The following PANX1 variants were observed in gnomAD, a reference collection of about 807,000 sequenced individuals.
PANX1 encodes pannexin-1.
In PANX1, 30 loss-of-function variants were observed where a neutral mutation model predicts 38.7. That is an observed-to-expected ratio of 0.78 (90% CI 0.58 to 1.05). PANX1 has a LOEUF of 1.05. Among genes scored for constraint, PANX1 ranks in the 50% least tolerant of loss-of-function variants. PANX1 has a pLI of 0.00. For missense variants in PANX1, 551 were observed against 517.2 expected, an observed-to-expected ratio of 1.07 and a Z score of -0.63; for synonymous variants, 230 against 212.2, an observed-to-expected ratio of 1.08 and a Z score of -0.73.
intron 1 of PANX1, among the ~76,000 whole-genome samples, chr11:94,148,580 G>A (rs1313746376): frequency 6.6e-6 from 1 of 152,104 alleles, no homozygotes; most frequent in Non-Finnish European, 1.5e-5. Flanking sequence ...ATTTATAATA[G>A]TTTTCAGATC....
intron 2 of PANX1, among the ~76,000 whole-genome samples, chr11:94,156,939 G>C (rs1397319258): frequency 6.6e-6 from 1 of 150,882 alleles, no homozygotes; most frequent in South Asian, 2.1e-4. Context: ...ATGTGTTGTC[G>C]TTGTTCAATT....
chr11:94,148,678 G>T (rs957875276), intron 1 of PANX1, among the ~76,000 whole-genome samples: 2 of 151,910 alleles, frequency 1.3e-5, no homozygotes, highest in African/African-American at 4.8e-5. Context: ...ATATATATGG[G>T]GTATGTGTGT....
intron 1 of PANX1, among the ~76,000 whole-genome samples, chr11:94,130,129 TG>T (rs1946610591): frequency 6.6e-6 from 1 of 152,144 alleles, no homozygotes; most frequent in Non-Finnish European, 1.5e-5. Flanking sequence ...GAAAGTCTGG[TG>T]GTTTGGGCAG....
At chr11:94,174,929 A>G (rs1476773931) in intron 2 of PANX1, among the ~76,000 whole-genome samples, 2 of 151,774 alleles carry the variant, frequency 1.3e-5, no homozygotes, top group African/African-American at 4.9e-5. Context: ...TTTTTAAGGC[A>G]GATAGACTGA....
At chr11:94,141,799 G>T (rs1401748848) in intron 1 of PANX1, among the ~76,000 whole-genome samples, 1 of 152,118 alleles carries the variant, frequency 6.6e-6, no homozygotes, top group Non-Finnish European at 1.5e-5. Flanking sequence ...GAATTTCTCA[G>T]TGCCTAGCCT....
chr11:94,165,934 CTAT>C lies in PANX1; in HGVS notation c.321+12318_321+12320del, dbSNP rs1366374085. Among the ~76,000 whole-genome samples, 8 of 151,806 alleles carry C rather than the reference CTAT, an allele frequency of 5.3e-5. No individual in the cohort carries two copies. The East Asian group carries it at 1.4e-3, about 26-fold the overall frequency. On this transcript the variant is annotated intron_variant, in intron 2 of 4. Transcript: ENST00000227638. Reference sequence around the variant, plus strand: ...GTTTCAAGTAATATAATAGTAATAACTATTATTATTATTATTGGTTATGTTATT... The same window carrying C: ...GTTTCAAGTAATATAATAGTAATAACTATTATTATTATTGGTTATGTTATT...
chr11:94,129,719 C>T (rs985512545), intron 1 of PANX1, among the ~76,000 whole-genome samples: 10 of 152,174 alleles, frequency 6.6e-5, no homozygotes, highest in Non-Finnish European at 1.2e-4. Flanking sequence ...TCTTTTGTTC[C>T]TCATGCCCCT....
chr11:94,180,716 C>A, intron 4 of PANX1, 74 bp from the exon 5 acceptor site: 1 of 841,932 alleles, frequency 1.2e-6, no homozygotes, highest in South Asian at 1.4e-5. Flanking sequence ...GAATTTTTGG[C>A]AGAAGAAAAA....
chr11:94,164,665 A>G (rs1037485296), intron 2 of PANX1, among the ~76,000 whole-genome samples: 1 of 152,250 alleles, frequency 6.6e-6, no homozygotes, highest in African/African-American at 2.4e-5. Flanking sequence ...CAGCTATTGC[A>G]TGAAATGTTC....
chr11:94,141,326 A>G (rs572883282), intron 1 of PANX1, among the ~76,000 whole-genome samples: 3 of 152,284 alleles, frequency 2.0e-5, no homozygotes, highest in South Asian at 2.1e-4. Context: ...AAATTTGCCA[A>G]TCTTAATGGT....
intron 1 of PANX1, among the ~76,000 whole-genome samples, chr11:94,148,397 C>T (rs1178487775): frequency 2.0e-5 from 3 of 152,096 alleles, no homozygotes; most frequent in East Asian, 1.9e-4. Flanking sequence ...TCGGGGCAAA[C>T]GTCATTTGGT....
intron 4 of PANX1, among the ~76,000 whole-genome samples, 169 bp from the exon 5 acceptor site, chr11:94,180,621 C>G (rs985484688): frequency 3.9e-5 from 6 of 152,334 alleles, no homozygotes; most frequent in African/African-American, 9.6e-5. Flanking sequence ...CTGTTACTCT[C>G]TGACTTTCTC....
intron 2 of PANX1, among the ~76,000 whole-genome samples, chr11:94,154,266 A>G (rs1281616205): frequency 6.6e-6 from 1 of 152,214 alleles, no homozygotes; most frequent in African/African-American, 2.4e-5. Flanking sequence ...GAGAAGAGGT[A>G]CATTCTGTAG....
At chr11:94,173,446 T>G (rs905274512) in intron 2 of PANX1, among the ~76,000 whole-genome samples, 5 of 151,602 alleles carry the variant, frequency 3.3e-5, no homozygotes, top group Non-Finnish European at 5.9e-5. Context: ...TATCTCATGT[T>G]CAAAATTTCT....
In PANX1 at chr11:94,159,251, A is replaced by T. The variant is rs566365410; in HGVS notation, c.321+5621A>T. On this transcript the variant is annotated intron_variant, in intron 2 of 4. Transcript: ENST00000227638. ...GTCTCTGCCAGGCTTTGGTATCAGG[A>T]TGATGCTGGCCTCATAAAATGAGTT... Among the ~76,000 whole-genome samples the T allele has an allele frequency of 6.4e-3, 974 of 152,152 alleles. 9 individuals are homozygous for T. The highest frequency in any genetic ancestry group is 0.022 in the African/African-American group (894 of 41,508).
At position 94,179,897 on chromosome 11, in the gene PANX1, C is replaced by T; in HGVS notation, c.841C>T (p.Leu281Phe). The stretch of plus-strand genomic sequence containing the variant: ...CTTCCAGTTGCTCAGTGTCATTAAC[C>T]TTGTGGTTTATGTCCTGCTGGCTCC... ...GIFQLLSVIN[L>F]VVYVLLAPVV... Residue 281 changes from leucine to phenylalanine, a missense_variant, in exon 4 of 5, where the codon CTT becomes TTT. By Grantham distance (22) the Leu-to-Phe change is conservative. Transcript: ENST00000227638. 4 of 1,613,904 alleles carry T rather than the reference C, an allele frequency of 2.5e-6. No homozygotes were observed. The highest frequency in any genetic ancestry group is 3.4e-6 in the Non-Finnish European group (4 of 1,179,888).
intron 2 of PANX1, among the ~76,000 whole-genome samples, chr11:94,165,868 G>A (rs760875091): frequency 6.6e-6 from 1 of 152,060 alleles, no homozygotes; most frequent in Admixed American, 6.5e-5. Flanking sequence ...AGCTGAGATC[G>A]CACCATTGCA....
chr11:94,155,242 C>T (rs200939065), intron 2 of PANX1, among the ~76,000 whole-genome samples: 2 of 151,444 alleles, frequency 1.3e-5, no homozygotes, highest in African/African-American at 4.9e-5. Context: ...CCCAGCTACT[C>T]GGGAGGCTAA....
At chr11:94,177,346 T>C (rs973731539) in intron 2 of PANX1, among the ~76,000 whole-genome samples, 2 of 151,416 alleles carry the variant, frequency 1.3e-5, no homozygotes, top group Admixed American at 6.6e-5. Context: ...AGCAATACTC[T>C]TATGTCTTAT....
Sources: gnomAD v4.1 joint callset for allele counts (sites outside exome capture counted in the v4.1 genomes callset) on GRCh38, gnomAD v4.1.1 for gene constraint, MANE v1.5 for transcripts, NCBI Gene and HGNC (gene_info 2026-07-23, HGNC 2026-07-21) for gene names.